Variants in DYNC1H1 observed in about 807,000 individuals in gnomAD.
The protein encoded by DYNC1H1 is dynein cytoplasmic 1 heavy chain 1, also known as cytoplasmic dynein 1 heavy chain 1.
In DYNC1H1, 51 loss-of-function variants were observed where a neutral mutation model predicts 527.1. That is an observed-to-expected ratio of 0.10 (90% CI 0.08 to 0.12). DYNC1H1 has a LOEUF of 0.12. DYNC1H1 is among the 10% of genes least tolerant of loss of function. The pLI is 1.00. For synonymous variants in DYNC1H1, 2,189 were observed against 2,278.8 expected, an observed-to-expected ratio of 0.96 and a Z score of 1.12; for missense variants, 2,771 against 5,971.8, an observed-to-expected ratio of 0.46 and a Z score of 17.66.
At chr14:102,000,895 A>T in intron 18 of DYNC1H1, 59 bp from the exon 19 acceptor site, 3 of 1,497,372 alleles carry the variant, frequency 2.0e-6, no homozygotes, top group Non-Finnish European at 2.8e-6. Context: ...TTAAAGAAAT[A>T]TTTCACCATT....
chr14:102,012,612 C>A lies in DYNC1H1; in HGVS notation c.7014+142C>A. 1 of 1,167,248 alleles carries A rather than the reference C, an allele frequency of 8.6e-7. No individual in the cohort carries two copies. The highest frequency in any genetic ancestry group is 1.5e-5 in the African/African-American group (1 of 65,878). 72.3% of individuals were successfully genotyped at this position (1,167,248 alleles called of 1,614,324 possible). A position where few individuals can be genotyped will look rare whatever the true frequency, so the allele number is the denominator to read the frequency against. On this transcript the variant is annotated intron_variant, in intron 34 of 77. Transcript: ENST00000360184. The surrounding 1 kb of genome is among the most constrained non-coding windows in gnomAD (Gnocchi z 4.9). ...TTGTGTAAGTAATTTTCAAAGATAG[C>A]ATCTCAACTGCTAGATTTTTTTTCC...
chr14:102,031,653 T>A (rs1470420459), intron 51 of DYNC1H1, among the ~76,000 whole-genome samples: 4 of 152,186 alleles, frequency 2.6e-5, no homozygotes, highest in African/African-American at 4.8e-5. Context: ...TTTTGTAAAA[T>A]ATTTTTTTAA....
intron 2 of DYNC1H1, 118 bp downstream of exon 2, chr14:101,975,917 T>G: frequency 1.1e-6 from 1 of 887,948 alleles, no homozygotes; most frequent in Non-Finnish European, 1.7e-6. Context: ...AATCTTTTTT[T>G]TTTTTTTGAG....
intron 43 of DYNC1H1, among the ~76,000 whole-genome samples, chr14:102,024,940 C>T (rs1446934481): frequency 6.6e-6 from 1 of 151,818 alleles, no homozygotes; most frequent in East Asian, 2.0e-4. Context: ...GTGATCAGCC[C>T]ATCTCGGCCT....
rs751820545 is a variant in DYNC1H1, at chr14:102,015,280, G to A, written c.7190G>A (p.Arg2397Gln). The A allele has an allele frequency of 7.4e-6, 12 of 1,614,052 alleles. No homozygotes were observed. The highest frequency in any genetic ancestry group is 1.1e-5 in the South Asian group (1 of 91,086). Residue 2397 changes from arginine to glutamine, a missense_variant, in exon 35 of 78, where the codon CGG (arginine) becomes CAG (glutamine). Arg to Gln is a conservative substitution (Grantham distance 43). Around this residue, in one of 32 missense-constraint regions of DYNC1H1, gnomAD observed 122 missense variants for 168.4 expected, o/e 0.72. Coordinates refer to ENST00000360184, the MANE Select transcript of DYNC1H1 (RefSeq NM_001376.5). The surrounding 1 kb of genome is among the most constrained non-coding windows in gnomAD (Gnocchi z 6.9). ...LDEGEDEAQR[R>Q]RKGKEDEGEE... The stretch of plus-strand genomic sequence containing the variant: ...GAAGGGGAGGATGAGGCACAGCGGC[G>A]GCGTAAGGGCAAAGAGGATGAGGGG...
In DYNC1H1 at chr14:102,010,589, T is replaced by A. The variant is rs1193737392; in HGVS notation, c.6405+130T>A. 3 of 1,502,686 alleles carry A rather than the reference T, an allele frequency of 2.0e-6. No homozygotes were observed. The African/African-American group carries it at 4.2e-5, about 21-fold the overall frequency. 93.1% of individuals were successfully genotyped at this position (1,502,686 alleles called of 1,614,324 possible). ...TTGGGATGGCTGAAATAGACTGTAATGTTGACCCAGTGAGTCGAGTGCACG... is the reference window on the plus strand; with the variant it reads ...TTGGGATGGCTGAAATAGACTGTAAAGTTGACCCAGTGAGTCGAGTGCACG... On this transcript the variant is annotated intron_variant, in intron 31 of 77. Transcript: ENST00000360184. This position sits in a 1 kb window ranked among gnomAD's most constrained non-coding sequence, Gnocchi z 6.0.
At chr14:101,972,601 C>T (rs902108023) in intron 1 of DYNC1H1, among the ~76,000 whole-genome samples, 1 of 152,142 alleles carries the variant, frequency 6.6e-6, no homozygotes, top group Non-Finnish European at 1.5e-5. Context: ...TGGAATGGCA[C>T]CTAGTTCCCC....
At chr14:101,980,310 T>C in intron 4 of DYNC1H1, 54 bp from the exon 5 acceptor site, 2 of 1,596,064 alleles carry the variant, frequency 1.3e-6, no homozygotes, top group Non-Finnish European at 1.7e-6. Context: ...TAACGATATC[T>C]ATTCTACCTT....
Position 102,005,013 on chromosome 14 carries a change from C to T in DYNC1H1, c.5239-29C>T. The T allele has an allele frequency of 1.2e-6, 2 of 1,614,136 alleles. No homozygotes were observed. The highest frequency in any genetic ancestry group is 1.7e-5 in the Admixed American group (1 of 60,014). ...ACGCAGACCAATCTTTAAAATGATC[C>T]TTTGGGATCTTGTTTCTGTGTCTTT... On this transcript the variant is annotated intron_variant, in intron 25 of 77. Coordinates refer to ENST00000360184, the MANE Select transcript of DYNC1H1 (RefSeq NM_001376.5). The surrounding 1 kb of genome is among the most constrained non-coding windows in gnomAD (Gnocchi z 4.0).
In DYNC1H1 at chr14:101,986,157, G is replaced by T; in HGVS notation, c.1932G>T (p.Val644=). The T allele has an allele frequency of 1.2e-6, 2 of 1,614,198 alleles. No homozygotes were observed. Among genetic ancestry groups the T allele is most frequent in the Non-Finnish European group, 8.5e-7 (1 of 1,180,038 alleles). ...KMSHVRDLPP[V]SGSIIWAKQI... ...GTCACGTTCGTGACTTGCCCCCTGT[G>T]TCAGGGTCTATCATCTGGGCTAAAC... is the stretch of plus-strand genomic sequence containing the variant. Residue 644 remains valine (V), a synonymous_variant, in exon 8 of 78, where the codon GTG becomes GTT. Coordinates refer to ENST00000360184, the MANE Select transcript of DYNC1H1 (RefSeq NM_001376.5). The surrounding 1 kb of genome is among the most constrained non-coding windows in gnomAD (Gnocchi z 8.7).
rs556525630 is a variant in DYNC1H1, at chr14:102,020,210, G to A, written c.8507+154G>A. Among the ~76,000 whole-genome samples, 4 of 152,296 alleles carry A rather than the reference G, an allele frequency of 2.6e-5. No individual in the cohort carries two copies. The highest frequency in any genetic ancestry group is 2.1e-4 in the South Asian group (1 of 4,826). ...GCAGAGTCAGCCAGGGCAGCCTCCCGTCTGGACACTGGTCACAGTTGCCCC... is the reference window on the plus strand; with the variant it reads ...GCAGAGTCAGCCAGGGCAGCCTCCCATCTGGACACTGGTCACAGTTGCCCC... On this transcript the variant is annotated intron_variant, in intron 42 of 77. Coordinates refer to ENST00000360184, the MANE Select transcript of DYNC1H1 (RefSeq NM_001376.5). The surrounding 1 kb of genome is among the most constrained non-coding windows in gnomAD (Gnocchi z 4.3).
At chr14:102,023,964 C>T (rs909419037) in intron 43 of DYNC1H1, among the ~76,000 whole-genome samples, 2 of 152,134 alleles carry the variant, frequency 1.3e-5, no homozygotes, top group African/African-American at 2.4e-5. Context: ...AAATAGGCTG[C>T]GGTTACAGCA....
chr14:102,027,799 G>A lies in DYNC1H1; in HGVS notation c.9229G>A (p.Asp3077Asn). 6.2e-7 allele frequency: 1 copy of A among 1,614,168 alleles called. No individual in the cohort carries two copies. Among genetic ancestry groups the A allele is most frequent in the Non-Finnish European group, 8.5e-7 (1 of 1,180,036 alleles). The change falls in exon 47 of 78, where the codon GAC becomes AAC. Residue 3077 changes from aspartate to asparagine, a missense_variant. Coordinates refer to ENST00000360184, the MANE Select transcript of DYNC1H1 (RefSeq NM_001376.5). The surrounding 1 kb of genome is among the most constrained non-coding windows in gnomAD (Gnocchi z 7.7). ...TMNPSSEGLK[D>N]RAATSPALFN... is the part of the protein sequence containing the mutation. ...GAACCCGTCCTCGGAGGGACTCAAG[G>A]ACCGGGCAGCTACATCACCAGCACT...
chr14:101,976,988 A>G (rs1208798137), intron 2 of DYNC1H1, among the ~76,000 whole-genome samples: 1 of 152,228 alleles, frequency 6.6e-6, no homozygotes, highest in African/African-American at 2.4e-5. Context: ...ATACTGTGCC[A>G]TTTTATATAA....
At chr14:102,000,499 C>T in intron 18 of DYNC1H1, 100 bp downstream of exon 18, 1 of 1,002,562 alleles carries the variant, frequency 1.0e-6, no homozygotes. Context: ...ATTGTGAGTT[C>T]ATAAGATGTC....
chr14:102,034,284 T>C (rs2048545062), intron 55 of DYNC1H1, 41 bp from the exon 56 acceptor site: 2 of 1,614,220 alleles, frequency 1.2e-6, no homozygotes, highest in Non-Finnish European at 1.7e-6. Flanking sequence ...GTCCCATCTG[T>C]GGCTGTGAAG....
rs1224897696 is a variant in DYNC1H1, at chr14:102,033,927, A to G, written c.10414-49A>G. The G allele has an allele frequency of 6.2e-7, 1 of 1,600,720 alleles. No homozygotes were observed. Among genetic ancestry groups the G allele is most frequent in the Admixed American group, 1.7e-5 (1 of 59,900 alleles). ...GAACCGATTTGCAGGATTCGGTATA[A>G]ATCCTGAAAGGCCTCATCCCTGAGC... On this transcript the variant is annotated intron_variant, in intron 54 of 77. Coordinates refer to ENST00000360184, the MANE Select transcript of DYNC1H1 (RefSeq NM_001376.5). This position sits in a 1 kb window ranked among gnomAD's most constrained non-coding sequence, Gnocchi z 5.6.
At position 102,000,045 on chromosome 14, in the gene DYNC1H1, T is replaced by C. The variant is rs770884515; in HGVS notation, c.3861T>C (p.Phe1287=). 3 of 1,614,170 alleles carry C rather than the reference T, an allele frequency of 1.9e-6. No individual in the cohort carries two copies. The highest frequency in any genetic ancestry group is 1.7e-6 in the Non-Finnish European group (2 of 1,180,038). The change falls in exon 17 of 78, where the codon TTT becomes TTC. Residue 1287 remains phenylalanine (F), a synonymous_variant. Coordinates refer to ENST00000360184, the MANE Select transcript of DYNC1H1 (RefSeq NM_001376.5). Reference sequence around the variant, plus strand: ...CTCTCACCATATATGAGGGGAAGTTTGGTAGGCTGAAGGACGACAGAGAGA... The same window carrying C: ...CTCTCACCATATATGAGGGGAAGTTCGGTAGGCTGAAGGACGACAGAGAGA... ...LQALTIYEGK[F]GRLKDDREKC... is the part of the protein sequence containing the mutation.
In DYNC1H1 at chr14:102,019,875, T is replaced by C; in HGVS notation, c.8344-18T>C. Reference sequence around the variant, plus strand: ...TTAAGATATTTACGTGTACCTTCCATTTTTCTCATTGCCATAGGAGAGATT... The same window carrying C: ...TTAAGATATTTACGTGTACCTTCCACTTTTCTCATTGCCATAGGAGAGATT... On this transcript the variant is annotated intron_variant, in intron 41 of 77. Transcript: ENST00000360184. The C allele has an allele frequency of 6.2e-7, 1 of 1,614,088 alleles. No individual in the cohort carries two copies. The highest frequency in any genetic ancestry group is 8.5e-7 in the Non-Finnish European group (1 of 1,179,930).
Sources: allele counts gnomAD v4.1 joint callset (sites outside exome capture counted in the v4.1 genomes callset), GRCh38; gene constraint gnomAD v4.1.1; regional missense constraint gnomAD v4.1.1; non-coding constraint Gnocchi (gnomAD v3.1); transcripts MANE v1.5; gene names NCBI Gene and HGNC (gene_info 2026-07-23, HGNC 2026-07-21).